BICRA: variants seen among roughly 807,000 people sequenced by gnomAD.
The protein encoded by BICRA is BRD4-interacting chromatin-remodeling complex-associated protein.
Under a neutral mutation model 96.9 loss-of-function variants are expected in BICRA, and 31 were observed. The ratio of observed to expected loss-of-function variants is 0.32; its 90% CI spans 0.24 to 0.43. The LOEUF is 0.43. BICRA is among the 20% of genes least tolerant of loss of function. The probability of loss-of-function intolerance (pLI) is 1.00; values close to 1 mark genes in which losing one functional copy is unlikely to be tolerated. For synonymous variants in BICRA, 1,350 were observed against 1,071.8 expected (o/e 1.26, Z -5.07); for missense variants, 2,283 against 2,190.3 (o/e 1.04, Z -0.84).
chr19:47,617,873 T>C (rs559657923), intron 1 of BICRA, among the ~76,000 whole-genome samples: 1 of 152,294 alleles, frequency 6.6e-6, no homozygotes, highest in African/African-American at 2.4e-5. Context: ...ATTTCCATTG[T>C]ATTATTATTG....
At chr19:47,682,493 GA>G (rs538439054) in intron 7 of BICRA, among the ~76,000 whole-genome samples, 14 of 152,308 alleles carry the variant, frequency 9.2e-5, no homozygotes, top group African/African-American at 3.4e-4. Flanking sequence ...CCCGTCTCCT[GA>G]ACCGTGGCCT....
intron 1 of BICRA, among the ~76,000 whole-genome samples, chr19:47,650,446 A>G (rs2334282): frequency 0.5 from 75,419 of 151,994 alleles, 19,695 homozygotes; most frequent in East Asian, 0.77. Context: ...TAGTAGAGAC[A>G]GGATTTCACC....
At position 47,695,083 on chromosome 19, in the gene BICRA, A is replaced by G; in HGVS notation, c.3076+3A>G. On this transcript the variant is annotated splice_donor_region_variant and intron_variant, in intron 9 of 14. Transcript: ENST00000594866. ...CCCGGCACCCATGGCCGCCACAGGT[A>G]GGAGAGAGGTCGCCTATGTGCCCAG... 6.7e-7 allele frequency: 1 copy of G among 1,488,882 alleles called. No individual in the cohort carries two copies. The highest frequency in any genetic ancestry group is 2.3e-4 in the Middle Eastern group (1 of 4,300). The allele number at this position is 1,488,882 out of a possible 1,614,324, so 92.2% of individuals were successfully genotyped here.
At position 47,702,539 on chromosome 19, in the gene BICRA, T is replaced by C; in HGVS notation, c.*124T>C. ...CTGACGGTTTTTCTTGCCTAAGTTA[T>C]TTGAGTCACAAAGGCCTCCTTCCCT... On this transcript the variant is annotated 3_prime_UTR_variant, in exon 15 of 15. Coordinates refer to ENST00000594866, the MANE Select transcript of BICRA (RefSeq NM_001394372.1). 8.5e-7 allele frequency: 1 copy of C among 1,182,932 alleles called. No homozygotes were observed. The highest frequency in any genetic ancestry group is 1.1e-6 in the Non-Finnish European group (1 of 898,798). 73.3% of individuals were successfully genotyped at this position (1,182,932 alleles called of 1,614,324 possible).
chr19:47,668,329 T>A (rs1284721786), intron 1 of BICRA, among the ~76,000 whole-genome samples: 1 of 152,146 alleles, frequency 6.6e-6, no homozygotes, highest in African/African-American at 2.4e-5. Flanking sequence ...ACGGTGCTGA[T>A]CATTTGCAGA....
chr19:47,670,246 G>A (rs1386833339), intron 1 of BICRA, among the ~76,000 whole-genome samples, 197 bp from the exon 2 acceptor site: 1 of 152,112 alleles, frequency 6.6e-6, no homozygotes, highest in African/African-American at 2.4e-5. Flanking sequence ...GAGCCACCGC[G>A]CCAGCCATTT....
intron 7 of BICRA, among the ~76,000 whole-genome samples, chr19:47,686,612 G>GACCTCAGGTGATCTGCCC (rs1388223636): frequency 1.3e-5 from 2 of 151,834 alleles, no homozygotes; most frequent in African/African-American, 4.8e-5. Flanking sequence ...TCAAACTCCT[G>GACCTCAGGTGATCTGCCC]ACCTCAGGTG....
chr19:47,629,422 T>C (rs1568550286), intron 1 of BICRA, among the ~76,000 whole-genome samples: 1 of 152,228 alleles, frequency 6.6e-6, no homozygotes, highest in South Asian at 2.1e-4. Flanking sequence ...TGGACTCCTG[T>C]AGTATTTGTC....
intron 7 of BICRA, among the ~76,000 whole-genome samples, chr19:47,693,155 C>T (rs187214349): frequency 3.9e-5 from 6 of 152,350 alleles, no homozygotes; most frequent in East Asian, 3.9e-4. Context: ...TATCACGGTG[C>T]CAGCCCAGTG....
Position 47,698,586 on chromosome 19 carries a change from T to TACCCCCCCCCCCCCCC in BICRA, c.3249-48_3249-47insACCCCCCCCCCCCCCC. ...AGGGACTTCCCCTGGCCCTCACCCG[T>TACCCCCCCCCCCCCCC]CCCCCCCACCCTCCGCCGTGTGTGG... is the stretch of plus-strand genomic sequence containing the variant. On this transcript the variant is annotated intron_variant, in intron 11 of 14. Transcript: ENST00000594866. The surrounding 1 kb of genome is among the most constrained non-coding windows in gnomAD (Gnocchi z 4.8). 1.4e-6 allele frequency: 1 copy of TACCCCCCCCCCCCCCC among 716,710 alleles called. No individual in the cohort carries two copies. The highest frequency in any genetic ancestry group is 2.5e-6 in the Non-Finnish European group (1 of 392,848). The allele number at this position is 716,710 out of a possible 1,614,324, so 44.4% of individuals were successfully genotyped here. A position where few individuals can be genotyped will look rare whatever the true frequency, so the allele number is the denominator to read the frequency against.
At chr19:47,700,280 C>T (rs1973419719) in intron 14 of BICRA, 1 of 152,112 alleles carries the variant, frequency 6.6e-6, no homozygotes, top group Admixed American at 6.6e-5. Flanking sequence ...CTGATATGTT[C>T]TGGAATCTTT....
At chr19:47,682,484 C>T (rs1973080337) in intron 7 of BICRA, among the ~76,000 whole-genome samples, 1 of 152,186 alleles carries the variant, frequency 6.6e-6, no homozygotes, top group Non-Finnish European at 1.5e-5. Flanking sequence ...TGGAAAGCCC[C>T]CGTCTCCTGA....
chr19:47,689,496 C>T (rs748797347), intron 7 of BICRA, among the ~76,000 whole-genome samples: 5 of 152,112 alleles, frequency 3.3e-5, no homozygotes, highest in Non-Finnish European at 7.3e-5. Context: ...CTGCAAGCTA[C>T]GCCTGCTGGG....
chr19:47,676,523 G>A (rs1170006229), intron 5 of BICRA, among the ~76,000 whole-genome samples: 3 of 150,174 alleles, frequency 2.0e-5, no homozygotes, highest in African/African-American at 7.4e-5. Flanking sequence ...CTCTTCTGTT[G>A]CTGCTTTCCC....
intron 1 of BICRA, among the ~76,000 whole-genome samples, chr19:47,635,050 C>A (rs2123527632): frequency 6.6e-6 from 1 of 152,250 alleles, no homozygotes; most frequent in African/African-American, 2.4e-5. Context: ...GCGTGAGCCA[C>A]CGCTCCTGGC....
At chr19:47,673,437 T>C in intron 2 of BICRA, 133 bp from the exon 3 acceptor site, 2 of 719,286 alleles carry the variant, frequency 2.8e-6, no homozygotes, top group Non-Finnish European at 5.0e-6. Flanking sequence ...CTTGTCCCCA[T>C]CTATCCCCAT....
chr19:47,685,741 C>CTG (rs3074109), intron 7 of BICRA, among the ~76,000 whole-genome samples: 14,202 of 115,250 alleles, frequency 0.12, 957 homozygotes, highest in Non-Finnish European at 0.15. Flanking sequence ...TTGGCAGCCT[C>CTG]TGTGTGTGTG....
chr19:47,683,325 G>A (rs1018279536), intron 7 of BICRA, among the ~76,000 whole-genome samples: 1 of 151,932 alleles, frequency 6.6e-6, no homozygotes, highest in African/African-American at 2.4e-5. Flanking sequence ...CTAGATAGGT[G>A]AAAAATAGTA....
In BICRA at chr19:47,679,438, G is replaced by C. The variant is rs556580334; in HGVS notation, c.268G>C (p.Gly90Arg). ...DILGSPATGG[G>R]GGGSGGADQP... ...CCTGGGCTCTCCTGCGACAGGGGGC[G>C]GCGGCGGGGGCAGTGGGGGCGCTGA... is the stretch of plus-strand genomic sequence containing the variant. The change falls in exon 6 of 15, where the codon GGC becomes CGC. Residue 90 changes from glycine (G) to arginine (R), a missense_variant. Gly to Arg is a moderately radical substitution (Grantham distance 125). Transcript: ENST00000594866. The C allele has an allele frequency of 1.3e-6, 2 of 1,493,562 alleles. No individual in the cohort carries two copies. Among genetic ancestry groups the C allele is most frequent in the Non-Finnish European group, 1.8e-6 (2 of 1,120,280 alleles). The allele number at this position is 1,493,562 out of a possible 1,614,324, so 92.5% of individuals were successfully genotyped here.
Sources: allele counts gnomAD v4.1 joint callset (sites outside exome capture counted in the v4.1 genomes callset), GRCh38; gene constraint gnomAD v4.1.1; non-coding constraint Gnocchi (gnomAD v3.1); transcripts MANE v1.5; gene names NCBI Gene and HGNC (gene_info 2026-07-23, HGNC 2026-07-21).